The following PCYOX1 variants were observed in gnomAD, a reference collection of about 807,000 sequenced individuals.
PCYOX1 encodes prenylcysteine oxidase 1, also known as prenylcysteine lyase.
Under a neutral mutation model 46.4 loss-of-function variants are expected in PCYOX1, and 46 were observed. The ratio of observed to expected loss-of-function variants is 0.99; its 90% CI spans 0.78 to 1.27. The LOEUF (loss-of-function observed/expected upper bound fraction) is 1.27, where lower values mean the gene tolerates loss of function less well. PCYOX1 is among the 50% of genes most tolerant of loss of function. The pLI is 0.00. For missense variants in PCYOX1, 658 were observed against 628.3 expected (o/e 1.05, Z -0.51); for synonymous variants, 220 against 231.8 (o/e 0.95, Z 0.46).
At chr2:70,265,355 T>A (rs1384278337) in intron 3 of PCYOX1, among the ~76,000 whole-genome samples, 4 of 152,036 alleles carry the variant, frequency 2.6e-5, no homozygotes, top group African/African-American at 9.7e-5. Context: ...CATGCTTGGC[T>A]AATTTTTTAA....
chr2:70,259,580 G>A lies in PCYOX1; in HGVS notation c.319+14G>A. ...TCAAAGACCTGGGTATGTAATTTTG[G>A]TCTTGGAGCTCACCAGATTACTGTG... On this transcript the variant is annotated intron_variant, in intron 2 of 5. Transcript: ENST00000433351. 1 of 1,583,834 alleles carries A rather than the reference G, an allele frequency of 6.3e-7. No individual in the cohort carries two copies. The highest frequency in any genetic ancestry group is 8.7e-7 in the Non-Finnish European group (1 of 1,152,936).
chr2:70,275,532 G>A lies in PCYOX1; in HGVS notation c.725G>A (p.Cys242Tyr), dbSNP rs762771190. Residue 242 changes from cysteine (C) to tyrosine (Y), a missense_variant, in exon 5 of 6, where the codon TGT (cysteine) becomes TAT (tyrosine). Physicochemically the swap from Cys to Tyr is radical, Grantham distance 194 (BLOSUM62 -2). Transcript: ENST00000433351. ...TTGACAGGGGCGGTGTCACTGTCCTGTTCTGATTCTGGCCTTTGGGCAGTA... is the reference window on the plus strand; with the variant it reads ...TTGACAGGGGCGGTGTCACTGTCCTATTCTGATTCTGGCCTTTGGGCAGTA... The part of the protein sequence containing the change: ...NAFVGAVSLS[C>Y]SDSGLWAVEG... The A allele has an allele frequency of 6.2e-6, 10 of 1,614,146 alleles. No individual in the cohort carries two copies. The highest frequency in any genetic ancestry group is 8.5e-6 in the Non-Finnish European group (10 of 1,180,024).
chr2:70,258,833 A>G (rs1696386984), intron 1 of PCYOX1, among the ~76,000 whole-genome samples: 1 of 152,250 alleles, frequency 6.6e-6, no homozygotes, highest in African/African-American at 2.4e-5. Flanking sequence ...GGACTAACAC[A>G]GCTGCAGAAA....
intron 3 of PCYOX1, among the ~76,000 whole-genome samples, chr2:70,266,856 T>C (rs1228658614): frequency 3.4e-5 from 5 of 147,842 alleles, no homozygotes; most frequent in Non-Finnish European, 7.5e-5. Flanking sequence ...GTCTCCTATG[T>C]CCACCTCTTT....
intron 3 of PCYOX1, among the ~76,000 whole-genome samples, chr2:70,270,646 G>A (rs1006875447): frequency 6.6e-6 from 1 of 152,170 alleles, no homozygotes; most frequent in Non-Finnish European, 1.5e-5. Flanking sequence ...TCTCCTTCGG[G>A]TCTTTGGTCT....
chr2:70,264,036 C>T (rs1301706657), intron 3 of PCYOX1, among the ~76,000 whole-genome samples: 1 of 146,116 alleles, frequency 6.8e-6, no homozygotes, highest in Non-Finnish European at 1.5e-5. Context: ...GATCATGGCT[C>T]ACTGCAGCCT....
chr2:70,260,448 G>A (rs556257831), intron 2 of PCYOX1, among the ~76,000 whole-genome samples: 21 of 152,316 alleles, frequency 1.4e-4, no homozygotes, highest in African/African-American at 4.3e-4. Context: ...GGAGGCAGAG[G>A]CAGGAGGATC....
intron 3 of PCYOX1, among the ~76,000 whole-genome samples, chr2:70,264,279 A>G (rs1274061324): frequency 2.1e-5 from 3 of 141,658 alleles, no homozygotes; most frequent in Non-Finnish European, 3.1e-5. Context: ...TTTTTTTTTT[A>G]TCTGTGGCTT....
intron 2 of PCYOX1, among the ~76,000 whole-genome samples, chr2:70,260,351 C>T (rs545889212): frequency 6.6e-6 from 1 of 152,240 alleles, no homozygotes; most frequent in South Asian, 2.1e-4. Flanking sequence ...AGAAACCAGT[C>T]TGGGCAACAT....
At position 70,277,650 on chromosome 2, in the gene PCYOX1, T is replaced by G; in HGVS notation, c.*258T>G. On this transcript the variant is annotated 3_prime_UTR_variant, in exon 6 of 6. Coordinates refer to ENST00000433351, the MANE Select transcript of PCYOX1 (RefSeq NM_016297.4). ...AGTTTTTCTTAAACTTGTCTGATAA[T>G]AAGAATCACCTGGAGTTAGGAGGTG... 2.9e-6 allele frequency: 1 copy of G among 348,830 alleles called. No individual in the cohort carries two copies. The highest frequency in any genetic ancestry group is 5.2e-6 in the Non-Finnish European group (1 of 191,644). The allele number at this position is 348,830 out of a possible 1,614,324, so 21.6% of individuals were successfully genotyped here. A position where few individuals can be genotyped will look rare whatever the true frequency, so the allele number is the denominator to read the frequency against.
Position 70,258,154 on chromosome 2 carries a change from T to C in PCYOX1, c.-11T>C. The stretch of plus-strand genomic sequence containing the variant: ...GGGCTCTTGAGGCCAGCTGCAGAGC[T>C]TGTGGAGGCCATGGGGCGCGTCGTC... On this transcript the variant is annotated 5_prime_UTR_variant, in exon 1 of 6. Transcript: ENST00000433351. The C allele has an allele frequency of 6.3e-7, 1 of 1,586,214 alleles. No individual in the cohort carries two copies. The highest frequency in any genetic ancestry group is 8.5e-7 in the Non-Finnish European group (1 of 1,171,598).
chr2:70,274,705 A>G (rs1696645739), intron 3 of PCYOX1: 4 of 422,410 alleles, frequency 9.5e-6, no homozygotes, highest in East Asian at 4.7e-5. Flanking sequence ...CTGGGACCAC[A>G]GGCATACACC....
chr2:70,276,348 A>G (rs1285733627), intron 5 of PCYOX1, among the ~76,000 whole-genome samples: 1 of 133,400 alleles, frequency 7.5e-6, no homozygotes, highest in Non-Finnish European at 1.7e-5. Context: ...CTGGGACTAT[A>G]GGCGCCTGCC....
At chr2:70,258,042 A>T, upstream of PCYOX1, 2 of 686,848 alleles carry the variant, frequency 2.9e-6, no homozygotes, top group Non-Finnish European at 4.4e-6. Context: ...CGGGGCTCGC[A>T]GGACCTGGGC....
intron 3 of PCYOX1, among the ~76,000 whole-genome samples, chr2:70,267,417 CTT>C (rs1696542316): frequency 1.3e-5 from 2 of 152,134 alleles, no homozygotes; most frequent in South Asian, 2.1e-4. Flanking sequence ...AATCTCAGCA[CTT>C]TTGGGAGGTC....
intron 3 of PCYOX1, among the ~76,000 whole-genome samples, chr2:70,262,759 A>G (rs1029106874): frequency 3.9e-5 from 6 of 152,080 alleles, no homozygotes; most frequent in Non-Finnish European, 1.5e-5. Context: ...GATTGCAGGC[A>G]TGAGCCACTG....
At chr2:70,258,059 C>T (rs1476427887), upstream of PCYOX1, 1 of 877,604 alleles carries the variant, frequency 1.1e-6, no homozygotes, top group Non-Finnish European at 1.6e-6. Context: ...GGGCGGGGCT[C>T]GCAGGGGCTG....
chr2:70,278,373 T>G lies in PCYOX1; in HGVS notation c.*981T>G, dbSNP rs1167244955. On this transcript the variant is annotated 3_prime_UTR_variant, in exon 6 of 6. Coordinates refer to ENST00000433351, the MANE Select transcript of PCYOX1 (RefSeq NM_016297.4). ...GGTGTGAAAATGCCTACAAAGGGTT[T>G]TAGTGCCTTAGAAGTCCTAAGAAGC... The G allele has an allele frequency of 1.3e-5, 2 of 152,656 alleles. No homozygotes were observed. The highest frequency in any genetic ancestry group is 2.9e-5 in the Non-Finnish European group (2 of 68,052). 9.5% of individuals were successfully genotyped at this position (152,656 alleles called of 1,614,324 possible).
intron 3 of PCYOX1, among the ~76,000 whole-genome samples, chr2:70,267,725 T>C (rs967185442): frequency 1.0e-4 from 15 of 146,634 alleles, no homozygotes; most frequent in Non-Finnish European, 2.2e-4. Flanking sequence ...TTGCAGTGAG[T>C]CGAGATGGCA....
Sources: allele counts gnomAD v4.1 joint callset (sites outside exome capture counted in the v4.1 genomes callset), GRCh38; gene constraint gnomAD v4.1.1; transcripts MANE v1.5; gene names NCBI Gene and HGNC (gene_info 2026-07-23, HGNC 2026-07-21).